Variants in PATJ observed in about 807,000 individuals in gnomAD.
PATJ encodes the protein PATJ crumbs cell polarity complex component.
In PATJ, 190 loss-of-function variants were observed where a neutral mutation model predicts 224.9. The observed-to-expected ratio is 0.84, with a 90% confidence interval of 0.75 to 0.95. The LOEUF is 0.95. Among genes scored for constraint, PATJ ranks in the 40% least tolerant of loss-of-function variants. PATJ has a pLI of 0.00. For synonymous variants in PATJ, 769 were observed against 820.3 expected, an observed-to-expected ratio of 0.94 and a Z score of 1.07; for missense variants, 2,121 against 2,270.3, an observed-to-expected ratio of 0.93 and a Z score of 1.34.
At chr1:61,874,326 T>C (rs1036560400) in intron 20 of PATJ, among the ~76,000 whole-genome samples, 2 of 152,096 alleles carry the variant, frequency 1.3e-5, no homozygotes, top group Admixed American at 1.3e-4. Context: ...GCCTCCCAAG[T>C]AGCTGGGATT....
At chr1:61,842,924 C>A (rs1444560221) in intron 17 of PATJ, among the ~76,000 whole-genome samples, 1 of 152,166 alleles carries the variant, frequency 6.6e-6, no homozygotes, top group Non-Finnish European at 1.5e-5. Context: ...AAGTCATAGC[C>A]CTTCCTAGAG....
chr1:62,006,201 A>C (rs1020770760), intron 28 of PATJ, among the ~76,000 whole-genome samples: 1 of 151,974 alleles, frequency 6.6e-6, no homozygotes, highest in African/African-American at 2.4e-5. Flanking sequence ...TGCAACCTCC[A>C]TCTCCCAGGT....
At chr1:61,953,454 A>G (rs1680010165) in intron 27 of PATJ, among the ~76,000 whole-genome samples, 1 of 152,226 alleles carries the variant, frequency 6.6e-6, no homozygotes, top group Admixed American at 6.5e-5. Flanking sequence ...TTTGTTTAAA[A>G]TATAATTTCT....
In PATJ at chr1:61,950,649, A is replaced by G. The variant is rs191650380; in HGVS notation, c.3670+22820A>G. Among the ~76,000 whole-genome samples the G allele has an allele frequency of 1.8e-3, 272 of 152,048 alleles. 1 individual carries two copies. The highest frequency in any genetic ancestry group is 1.3e-3 in the Non-Finnish European group (91 of 68,022). On this transcript the variant is annotated intron_variant, in intron 27 of 43. Coordinates refer to ENST00000642238, the MANE Select transcript of PATJ (RefSeq NM_001350145.3). ...AAAGAATGTTAAGAATGTTCACGTCAAACTGTGTTTAACAAAATTTATATG... is the reference window on the plus strand; with the variant it reads ...AAAGAATGTTAAGAATGTTCACGTCGAACTGTGTTTAACAAAATTTATATG...
Position 61,856,039 on chromosome 1 carries a change from G to GA in PATJ, c.2123dup (p.Asp708GlufsTer35), listed in dbSNP as rs1163455104. On this transcript the variant is annotated frameshift_variant, in exon 18 of 44. Transcript: ENST00000642238. LOFTEE classifies it high-confidence loss of function. Reference sequence around the variant, plus strand: ...TTTGCTCGATTCACAGGACCCTTTAGATCCTACAAGATCAGTGATTGTGAT... The same window carrying GA: ...TTTGCTCGATTCACAGGACCCTTTAGAATCCTACAAGATCAGTGATTGTGAT... The GA allele has an allele frequency of 1.9e-6, 3 of 1,613,682 alleles. No homozygotes were observed. The highest frequency in any genetic ancestry group is 2.5e-6 in the Non-Finnish European group (3 of 1,179,742).
At chr1:61,994,213 G>T (rs941501771) in intron 28 of PATJ, among the ~76,000 whole-genome samples, 1 of 152,218 alleles carries the variant, frequency 6.6e-6, no homozygotes, top group Non-Finnish European at 1.5e-5. Context: ...TATAGCAGGT[G>T]CTGTATGAAC....
intron 20 of PATJ, among the ~76,000 whole-genome samples, chr1:61,873,359 G>T (rs1666905588): frequency 6.6e-6 from 1 of 151,896 alleles, no homozygotes; most frequent in Non-Finnish European, 1.5e-5. Flanking sequence ...TTGTAGAGAT[G>T]GGGTTTCGCC....
intron 27 of PATJ, among the ~76,000 whole-genome samples, chr1:61,955,545 C>A (rs2149401473): frequency 6.6e-6 from 1 of 152,196 alleles, no homozygotes; most frequent in East Asian, 1.9e-4. Context: ...TAACAGAGTT[C>A]TAAAACTTTA....
At chr1:61,805,639 C>A in intron 13 of PATJ, 115 bp downstream of exon 13, 1 of 647,786 alleles carries the variant, frequency 1.5e-6, no homozygotes. Context: ...CTTTATTTTT[C>A]CTTCCTGCCT....
rs565483008 is a variant in PATJ at position 61,801,607 on chromosome 1, T to C, written c.1403-16T>C. The stretch of plus-strand genomic sequence containing the variant: ...GCATTAACAAAATTTTAAAAAATTA[T>C]TTTTTTTTGTTTTAGGAACTGTTGT... On this transcript the variant is annotated splice_polypyrimidine_tract_variant and intron_variant, in intron 11 of 43. Coordinates refer to ENST00000642238, the MANE Select transcript of PATJ (RefSeq NM_001350145.3). 1 of 1,301,734 alleles carries C rather than the reference T, an allele frequency of 7.7e-7. No individual in the cohort carries two copies. Among genetic ancestry groups the C allele is most frequent in the African/African-American group, 1.5e-5 (1 of 66,168 alleles). 80.6% of individuals were successfully genotyped at this position (1,301,734 alleles called of 1,614,324 possible).
At chr1:61,853,768 A>G (rs971634197) in intron 17 of PATJ, among the ~76,000 whole-genome samples, 7 of 152,132 alleles carry the variant, frequency 4.6e-5, no homozygotes, top group South Asian at 2.1e-4. Context: ...TTCTCTTCCT[A>G]TGCAATAGCT....
intron 27 of PATJ, among the ~76,000 whole-genome samples, chr1:61,940,277 A>G (rs1395347725): frequency 2.6e-5 from 4 of 152,150 alleles, no homozygotes; most frequent in African/African-American, 9.7e-5. Context: ...CAGTGTTATT[A>G]TGAGAGATTA....
Position 61,869,249 on chromosome 1 carries a change from G to T in PATJ, c.2835+4616G>T, listed in dbSNP as rs1400872337. The stretch of plus-strand genomic sequence containing the variant: ...AGCCTCCCAAGTAGCTGGGACTACA[G>T]GCGCCCGCCACTACGCCCGGCTAAT... On this transcript the variant is annotated intron_variant, in intron 20 of 43. Transcript: ENST00000642238. Among the ~76,000 whole-genome samples the T allele has an allele frequency of 4.0e-5, 6 of 149,762 alleles. No homozygotes were observed. In the South Asian group the frequency reaches 1.1e-3, roughly 27 times the overall value.
chr1:62,152,339 G>A (rs1038818065), intron 42 of PATJ, among the ~76,000 whole-genome samples: 5 of 145,820 alleles, frequency 3.4e-5, no homozygotes, highest in African/African-American at 4.9e-5. Flanking sequence ...TTAGGTGGAA[G>A]TGGCCAGGGC....
chr1:62,024,978 G>A (rs945694498), intron 29 of PATJ, among the ~76,000 whole-genome samples: 1 of 152,086 alleles, frequency 6.6e-6, no homozygotes, highest in Non-Finnish European at 1.5e-5. Context: ...AAGTCTCTTA[G>A]TTCCCAACTG....
intron 35 of PATJ, among the ~76,000 whole-genome samples, chr1:62,115,686 G>C (rs1196337810): frequency 2.0e-5 from 3 of 149,636 alleles, no homozygotes; most frequent in African/African-American, 7.4e-5. Flanking sequence ...TGGCCTTAAA[G>C]TGTATCAACC....
Position 61,791,445 on chromosome 1 carries a change from C to G in PATJ, c.1166C>G (p.Thr389Arg), listed in dbSNP as rs1182189881. 1 of 1,540,050 alleles carries G rather than the reference C, an allele frequency of 6.5e-7. No individual in the cohort carries two copies. The highest frequency in any genetic ancestry group is 2.3e-5 in the East Asian group (1 of 44,404). Reference sequence around the variant, plus strand: ...GTTGGCTATGTTGGAACATCTCATACAGGTAAATGAATCATTTCTATTTTA... The same window carrying G: ...GTTGGCTATGTTGGAACATCTCATAGAGGTAAATGAATCATTTCTATTTTA... Reference protein sequence around the residue: ...RIVGYVGTSHTGEASGIYVKS... With the variant: ...RIVGYVGTSHRGEASGIYVKS... The change falls in exon 9 of 44, where the codon ACA (threonine) becomes AGA (arginine). Residue 389 changes from threonine (T) to arginine (R), a missense_variant and splice_region_variant. Physicochemically the swap from Thr to Arg is moderately conservative, Grantham distance 71 (BLOSUM62 -1). Coordinates refer to ENST00000642238, the MANE Select transcript of PATJ (RefSeq NM_001350145.3).
intron 4 of PATJ, among the ~76,000 whole-genome samples, chr1:61,767,903 C>T (rs1355229925): frequency 6.6e-6 from 1 of 151,792 alleles, no homozygotes; most frequent in Non-Finnish European, 1.5e-5. Flanking sequence ...TCTCTCCTGA[C>T]CTCGTGATCC....
chr1:61,942,245 C>G (rs2498955), intron 27 of PATJ, among the ~76,000 whole-genome samples: 1 of 152,088 alleles, frequency 6.6e-6, no homozygotes, highest in Non-Finnish European at 1.5e-5. Context: ...TACTTGAATT[C>G]TATATAACAA....
Sources: gnomAD v4.1 joint callset for allele counts (sites outside exome capture counted in the v4.1 genomes callset) on GRCh38, gnomAD v4.1.1 for gene constraint, MANE v1.5 for transcripts, NCBI Gene and HGNC (gene_info 2026-07-23, HGNC 2026-07-21) for gene names.